PCDHGB1: variants seen among roughly 807,000 people sequenced by gnomAD.
PCDHGB1 encodes protocadherin gamma subfamily B, 1, also known as protocadherin gamma-B1.
PCDHGB1 carries 34 observed loss-of-function variants against 56.6 expected under a neutral mutation model. The observed-to-expected ratio is 0.60, with a 90% CI of 0.46 to 0.80. The LOEUF is 0.80. PCDHGB1 is among the 30% of genes least tolerant of loss of function. The pLI is 0.00. For synonymous variants in PCDHGB1, 561 were observed against 505.9 expected (o/e 1.11, Z -1.46); for missense variants, 1,278 against 1,204.6 (o/e 1.06, Z -0.90).
intron 1 of PCDHGB1, chr5:141,399,540 C>T (rs775910113): frequency 9.3e-6 from 15 of 1,614,052 alleles, no homozygotes; most frequent in Non-Finnish European, 1.3e-5. Context: ...CGCAAGTCTG[C>T]GCCTCGGACC....
chr5:141,485,986 G>T lies in PCDHGB1; in HGVS notation c.2410-8821G>T, dbSNP rs2099622467. The T allele has an allele frequency of 1.2e-6, 2 of 1,614,084 alleles. No homozygotes were observed. Among genetic ancestry groups the T allele is most frequent in the African/African-American group, 1.3e-5 (1 of 74,936 alleles). On this transcript the variant is annotated intron_variant, in intron 1 of 3. Transcript: ENST00000523390. This position sits in a 1 kb window ranked among gnomAD's most constrained non-coding sequence, Gnocchi z 5.7. ...AGCTCAATGCCTCAGACCCGGACCT[G>T]GGTCCCAGTGGTAACGTCACCTTTT...
In PCDHGB1 at chr5:141,486,858, C is replaced by T. The variant is rs2099636039; in HGVS notation, c.2410-7949C>T. The T allele has an allele frequency of 2.5e-6, 4 of 1,614,246 alleles. No homozygotes were observed. The highest frequency in any genetic ancestry group is 1.1e-5 in the South Asian group (1 of 91,088). On this transcript the variant is annotated intron_variant, in intron 1 of 3. Transcript: ENST00000523390. The surrounding 1 kb of genome is among the most constrained non-coding windows in gnomAD (Gnocchi z 5.0). ...TTTGTGCTGGACCTCAATGACAATGCTCCAGCTGTGCTCCGTCCTCGGGCC... is the reference window on the plus strand; with the variant it reads ...TTTGTGCTGGACCTCAATGACAATGTTCCAGCTGTGCTCCGTCCTCGGGCC...
At chr5:141,441,404 C>T (rs1231257776) in intron 1 of PCDHGB1, 1 of 155,262 alleles carries the variant, frequency 6.4e-6, no homozygotes, top group Admixed American at 6.5e-5. Context: ...ATCAGCATCA[C>T]TGCCACTGAC....
At chr5:141,421,281 C>T in intron 1 of PCDHGB1, 2 of 1,612,970 alleles carry the variant, frequency 1.2e-6, no homozygotes, top group South Asian at 2.2e-5. Flanking sequence ...TGCTGCTGTG[C>T]ATTTTCCTGG....
At chr5:141,362,244 C>G (rs1380837904) in intron 1 of PCDHGB1, 2 of 1,613,944 alleles carry the variant, frequency 1.2e-6, no homozygotes, top group Non-Finnish European at 8.5e-7. Flanking sequence ...CAGTGCTCTT[C>G]TTCCTCGCGG....
At position 141,486,455 on chromosome 5, in the gene PCDHGB1, T is replaced by G; in HGVS notation, c.2410-8352T>G. On this transcript the variant is annotated intron_variant, in intron 1 of 3. Transcript: ENST00000523390. This position sits in a 1 kb window ranked among gnomAD's most constrained non-coding sequence, Gnocchi z 5.0. Reference sequence around the variant, plus strand: ...TAGCTATGACATCATGGTCACTGCTTCTGATGCTGGGAACCCTCCTCTCAG... The same window carrying G: ...TAGCTATGACATCATGGTCACTGCTGCTGATGCTGGGAACCCTCCTCTCAG... 6.2e-7 allele frequency: 1 copy of G among 1,614,066 alleles called. No homozygotes were observed. Among genetic ancestry groups the G allele is most frequent in the Non-Finnish European group, 8.5e-7 (1 of 1,179,892 alleles).
At chr5:141,404,924 G>A in intron 1 of PCDHGB1, 1 of 1,613,908 alleles carries the variant, frequency 6.2e-7, no homozygotes, top group South Asian at 1.1e-5. Flanking sequence ...CTCGGCCACT[G>A]TCACGCTCAC....
intron 1 of PCDHGB1, chr5:141,383,842 T>C: frequency 6.2e-7 from 1 of 1,613,970 alleles, no homozygotes. Context: ...AACTGCCTTC[T>C]ATGAAATGGA....
intron 1 of PCDHGB1, among the ~76,000 whole-genome samples, chr5:141,439,689 A>G (rs1193986599): frequency 6.6e-6 from 1 of 152,218 alleles, no homozygotes; most frequent in Non-Finnish European, 1.5e-5. Flanking sequence ...CAGACCCACA[A>G]CATTCCTATT....
chr5:141,376,559 C>T, intron 1 of PCDHGB1: 1 of 1,609,498 alleles, frequency 6.2e-7, no homozygotes, highest in Non-Finnish European at 8.5e-7. Flanking sequence ...TCCCGCAACC[C>T]AACTAATCAG....
chr5:141,404,081 G>A (rs1436868245), intron 1 of PCDHGB1: 10 of 1,613,302 alleles, frequency 6.2e-6, no homozygotes, highest in South Asian at 2.2e-5. Context: ...CCGAGACTCC[G>A]GGAAGAATGG....
intron 1 of PCDHGB1, among the ~76,000 whole-genome samples, chr5:141,455,322 G>A (rs376682363): frequency 1.3e-5 from 2 of 152,134 alleles, no homozygotes; most frequent in East Asian, 3.9e-4. Context: ...TTTTGTGTGT[G>A]TGTTTGTGGT....
At chr5:141,419,325 AC>A (rs768622826) in intron 1 of PCDHGB1, 1 of 1,613,702 alleles carries the variant, frequency 6.2e-7, no homozygotes, top group Non-Finnish European at 8.5e-7. Context: ...CGTGTCTCCT[AC>A]TCTCTCATTG....
At position 141,431,118 on chromosome 5, in the gene PCDHGB1, A is replaced by C; in HGVS notation, c.2410-63689A>C. On this transcript the variant is annotated intron_variant, in intron 1 of 3. Coordinates refer to ENST00000523390, the MANE Select transcript of PCDHGB1 (RefSeq NM_018922.3). The surrounding 1 kb of genome is among the most constrained non-coding windows in gnomAD (Gnocchi z 4.8). ...GATAAAGTGAAAATATATGGAGTAG[A>C]AGTAGAAGTAAGGGACATTAACGAC... 6.2e-7 allele frequency: 1 copy of C among 1,614,182 alleles called. No individual in the cohort carries two copies. Among genetic ancestry groups the C allele is most frequent in the Non-Finnish European group, 8.5e-7 (1 of 1,179,974 alleles).
In PCDHGB1 at chr5:141,366,622, G is replaced by GC. The variant is rs757320555; in HGVS notation, c.2409+13953_2409+13954insC. The GC allele has an allele frequency of 1.3e-5, 21 of 1,614,240 alleles. No individual in the cohort carries two copies. The East Asian group carries it at 4.5e-4, about 34-fold the overall frequency. On this transcript the variant is annotated intron_variant, in intron 1 of 3. Coordinates refer to ENST00000523390, the MANE Select transcript of PCDHGB1 (RefSeq NM_018922.3). The stretch of plus-strand genomic sequence containing the variant: ...AGGTCTCCCTCACCGCGGACTCGAG[G>GC]AAGAGTCACCTGATCTTTCCCCAGC...
chr5:141,387,780 G>T, intron 1 of PCDHGB1: 2 of 1,461,128 alleles, frequency 1.4e-6, no homozygotes, highest in Admixed American at 2.6e-5. Flanking sequence ...TCTTGAACTG[G>T]AACTGCAACT....
chr5:141,391,493 G>A (rs949161885), intron 1 of PCDHGB1: 1 of 151,954 alleles, frequency 6.6e-6, no homozygotes, highest in Non-Finnish European at 1.5e-5. Context: ...TCTGTTTTCA[G>A]TAGAGAAAAT....
At chr5:141,499,330 C>T (rs1040336371) in intron 2 of PCDHGB1, among the ~76,000 whole-genome samples, 1 of 152,170 alleles carries the variant, frequency 6.6e-6, no homozygotes, top group African/African-American at 2.4e-5. Flanking sequence ...CCTGCTCTCT[C>T]TCAGTTTGGG....
chr5:141,491,964 C>T lies in PCDHGB1; in HGVS notation c.2410-2843C>T, dbSNP rs1382490003. 2.1e-6 allele frequency: 2 copies of T among 943,836 alleles called. No individual in the cohort carries two copies. The highest frequency in any genetic ancestry group is 3.0e-6 in the Non-Finnish European group (2 of 671,104). 58.5% of individuals were successfully genotyped at this position (943,836 alleles called of 1,614,324 possible). On this transcript the variant is annotated intron_variant, in intron 1 of 3. Transcript: ENST00000523390. The surrounding 1 kb of genome is among the most constrained non-coding windows in gnomAD (Gnocchi z 6.9). ...CCCCACCCCTACACTCAAAAAAGGC[C>T]GGGGCCTCCTTCGAGCTTCCGGTGA...
Sources: allele counts gnomAD v4.1 joint callset (sites outside exome capture counted in the v4.1 genomes callset), GRCh38; gene constraint gnomAD v4.1.1; non-coding constraint Gnocchi (gnomAD v3.1); transcripts MANE v1.5; gene names NCBI Gene and HGNC (gene_info 2026-07-23, HGNC 2026-07-21).